Variants in RASA2 observed in about 807,000 individuals in gnomAD.
The protein encoded by RASA2 is ras GTPase-activating protein 2.
A neutral mutation model predicts 118.2 loss-of-function variants in RASA2; 155 were observed. That is an observed-to-expected ratio of 1.31 (90% CI 1.15 to 1.50). RASA2 has a LOEUF of 1.50. RASA2 is among the 40% of genes most tolerant of loss of function. The pLI is 0.00. For synonymous variants in RASA2, 353 were observed against 349.1 expected, an observed-to-expected ratio of 1.01 and a Z score of -0.12; for missense variants, 1,016 against 1,009.6, an observed-to-expected ratio of 1.01 and a Z score of -0.09.
At chr3:141,491,538 C>A (rs948936075) in intron 1 of RASA2, among the ~76,000 whole-genome samples, 2 of 152,102 alleles carry the variant, frequency 1.3e-5, no homozygotes, top group Non-Finnish European at 2.9e-5. Flanking sequence ...TATGCCCTAC[C>A]TCACAATGTT....
intron 1 of RASA2, among the ~76,000 whole-genome samples, chr3:141,487,941 G>GA (rs1237366686): frequency 1.3e-5 from 2 of 152,158 alleles, no homozygotes; most frequent in Non-Finnish European, 2.9e-5. Context: ...GGATGTAGTG[G>GA]CTTCCTGTGA....
At chr3:141,497,402 A>C (rs1160753267) in intron 1 of RASA2, among the ~76,000 whole-genome samples, 1 of 151,996 alleles carries the variant, frequency 6.6e-6, no homozygotes, top group Non-Finnish European at 1.5e-5. Flanking sequence ...TTATATTATC[A>C]AAAGTAACTA....
intron 11 of RASA2, among the ~76,000 whole-genome samples, chr3:141,572,059 TATACAC>T (rs1240908249): frequency 2.7e-4 from 33 of 121,962 alleles, no homozygotes; most frequent in African/African-American, 1.2e-3. Context: ...TATATATATA[TATACAC>T]ACACACACAC....
chr3:141,581,169 G>C lies in RASA2; in HGVS notation c.1744G>C (p.Val582Leu). The C allele has an allele frequency of 6.6e-7, 1 of 1,509,464 alleles. No individual in the cohort carries two copies. Among genetic ancestry groups the C allele is most frequent in the Non-Finnish European group, 8.8e-7 (1 of 1,135,074 alleles). The allele number at this position is 1,509,464 out of a possible 1,614,324, so 93.5% of individuals were successfully genotyped here. A position where few individuals can be genotyped will look rare whatever the true frequency, so the allele number is the denominator to read the frequency against. The change falls in exon 17 of 24, where the codon GTT becomes CTT. Residue 582 changes from valine to leucine, a missense_variant. Val to Leu is a conservative substitution (Grantham distance 32). Transcript: ENST00000286364. ...TCAAGAAGAAGGATATATTATAGCAGTTAAAAAGGTATGATGGTTTTATTC... is the reference window on the plus strand; with the variant it reads ...TCAAGAAGAAGGATATATTATAGCACTTAAAAAGGTATGATGGTTTTATTC... ...MFQEEGYIIA[V>L]KKFLDEISST...
chr3:141,600,487 T>C (rs899926817), intron 19 of RASA2: 6 of 326,458 alleles, frequency 1.8e-5, no homozygotes, highest in Non-Finnish European at 2.4e-5. Flanking sequence ...GGCGACCTAC[T>C]TGGTCACAGC....
At chr3:141,497,218 T>G (rs1486250950) in intron 1 of RASA2, among the ~76,000 whole-genome samples, 2 of 150,418 alleles carry the variant, frequency 1.3e-5, no homozygotes, top group Non-Finnish European at 3.0e-5. Flanking sequence ...ATATACCTAA[T>G]GTAAATGACG....
chr3:141,610,433 T>TA (rs2083628256), intron 23 of RASA2, among the ~76,000 whole-genome samples: 1 of 96,698 alleles, frequency 1.0e-5, no homozygotes, highest in Non-Finnish European at 1.8e-5. Context: ...TATTATATAT[T>TA]TATATTTATA....
At chr3:141,556,083 T>G (rs1040868357) in intron 7 of RASA2, among the ~76,000 whole-genome samples, 171 bp downstream of exon 7, 1 of 152,178 alleles carries the variant, frequency 6.6e-6, no homozygotes, top group Non-Finnish European at 1.5e-5. Context: ...GCCCAATATA[T>G]AAAATGAATA....
At chr3:141,536,338 A>G (rs927798764) in intron 4 of RASA2, among the ~76,000 whole-genome samples, 1 of 152,166 alleles carries the variant, frequency 6.6e-6, no homozygotes, top group African/African-American at 2.4e-5. Context: ...TAGCACAGGA[A>G]AGACTGGCCC....
chr3:141,579,319 C>T (rs2083062891), intron 15 of RASA2: 1 of 152,054 alleles, frequency 6.6e-6, no homozygotes. Context: ...CATTTAATAC[C>T]TATTCATTTT....
intron 19 of RASA2, among the ~76,000 whole-genome samples, chr3:141,601,756 T>G (rs1053170297): frequency 3.9e-5 from 6 of 152,180 alleles, no homozygotes; most frequent in African/African-American, 1.4e-4. Flanking sequence ...TTGGGACTTT[T>G]TTGACTTATT....
chr3:141,585,169 G>A (rs2083180768), intron 17 of RASA2, among the ~76,000 whole-genome samples: 1 of 152,146 alleles, frequency 6.6e-6, no homozygotes, highest in African/African-American at 2.4e-5. Context: ...GGGACCAAAA[G>A]TATTTCAGAA....
At chr3:141,522,528 G>C (rs114311433) in intron 3 of RASA2, among the ~76,000 whole-genome samples, 1 of 152,116 alleles carries the variant, frequency 6.6e-6, no homozygotes, top group Non-Finnish European at 1.5e-5. Flanking sequence ...CTGAGAAGAC[G>C]CTGATCTTCC....
At position 141,615,104 on chromosome 3, in the gene RASA2, T is replaced by C. The variant is rs1214889447; in HGVS notation, c.*2791T>C. On this transcript the variant is annotated 3_prime_UTR_variant, in exon 24 of 24. Coordinates refer to ENST00000286364, the MANE Select transcript of RASA2 (RefSeq NM_006506.5). ...GTTAAATTACCAATCTTGGTTGATA[T>C]TATCTGCTTCCATTTTTATTAATTT... 1.3e-5 allele frequency: 2 copies of C among 152,192 alleles called. No homozygotes were observed. The highest frequency in any genetic ancestry group is 2.9e-5 in the Non-Finnish European group (2 of 68,034). The allele number at this position is 152,192 out of a possible 1,614,324, so 9.4% of individuals were successfully genotyped here.
rs545289496 is a variant in RASA2, at chr3:141,545,795, A to T, written c.527+5186A>T. 8.6e-5 allele frequency among the ~76,000 whole-genome samples: 13 copies of T among 151,954 alleles called. No homozygotes were observed. In the South Asian group the frequency reaches 2.5e-3, roughly 29 times the overall value. On this transcript the variant is annotated intron_variant, in intron 5 of 23. Transcript: ENST00000286364. ...TAATAAATTATTGTTGTCTGTAGTC[A>T]CCTTCTTATGCTGTTAAATACGAGA...
intron 1 of RASA2, among the ~76,000 whole-genome samples, chr3:141,487,951 A>AAAG (rs34636537): frequency 1.3e-5 from 2 of 152,138 alleles, no homozygotes; most frequent in Non-Finnish European, 2.9e-5. Context: ...GCTTCCTGTG[A>AAAG]GCAGGTCTCA....
intron 19 of RASA2, among the ~76,000 whole-genome samples, chr3:141,604,079 A>T (rs1268157548): frequency 6.6e-6 from 1 of 152,162 alleles, no homozygotes; most frequent in African/African-American, 2.4e-5. Context: ...ATGTGTCTTC[A>T]GCTCTCATGG....
chr3:141,509,433 G>A (rs552944900), intron 1 of RASA2, among the ~76,000 whole-genome samples: 2 of 152,146 alleles, frequency 1.3e-5, no homozygotes, highest in Admixed American at 6.6e-5. Context: ...GCACCTATGT[G>A]AATGAAACAG....
In RASA2 at chr3:141,610,057, A is replaced by G. The variant is rs1235888201; in HGVS notation, c.2510A>G (p.Tyr837Cys). Residue 837 changes from tyrosine to cysteine, a missense_variant, in exon 23 of 24, where the codon TAT (tyrosine) becomes TGT (cysteine). Tyr to Cys is a radical substitution (Grantham distance 194). This residue lies in a region of RASA2 where 120 missense variants were observed against 173.2 expected (regional missense o/e 0.69). Transcript: ENST00000286364. ...YRKKRSSSAK[Y>C]GSKENPIVGK... ...AAGAAAAGATCCAGTAGTGCAAAAT[A>G]TGGGAGCAAGTGAGTAATTTTTAAG... 3.2e-6 allele frequency: 5 copies of G among 1,581,330 alleles called. No homozygotes were observed. Among genetic ancestry groups the G allele is most frequent in the Non-Finnish European group, 3.4e-6 (4 of 1,165,272 alleles).
Sources: allele counts gnomAD v4.1 joint callset (sites outside exome capture counted in the v4.1 genomes callset), GRCh38; gene constraint gnomAD v4.1.1; regional missense constraint gnomAD v4.1.1; transcripts MANE v1.5; gene names NCBI Gene and HGNC (gene_info 2026-07-23, HGNC 2026-07-21).